PHKB: variants seen among roughly 807,000 people sequenced by gnomAD.
PHKB encodes phosphorylase kinase regulatory subunit beta.
In PHKB, 122 loss-of-function variants were observed where a neutral mutation model predicts 152.1. The observed-to-expected ratio is 0.80, with a 90% CI of 0.69 to 0.93. The LOEUF (loss-of-function observed/expected upper bound fraction) is 0.93. Ranked by LOEUF, PHKB falls within the 40% of genes least tolerant of loss-of-function variation. The probability of loss-of-function intolerance (pLI) is 0.00; values close to 1 mark genes in which losing one functional copy is unlikely to be tolerated. For synonymous variants in PHKB, 436 were observed against 464.9 expected (o/e 0.94, Z 0.80); for missense variants, 1,304 against 1,328.4 (o/e 0.98, Z 0.29).
intron 7 of PHKB, among the ~76,000 whole-genome samples, chr16:47,564,436 G>A (rs1242158735): frequency 6.6e-6 from 1 of 152,058 alleles, no homozygotes; most frequent in South Asian, 2.1e-4. Flanking sequence ...ACTGACATTA[G>A]TGGCATTTTT....
At chr16:47,470,477 C>T (rs1048462731) in intron 1 of PHKB, among the ~76,000 whole-genome samples, 2 of 152,180 alleles carry the variant, frequency 1.3e-5, no homozygotes, top group East Asian at 1.9e-4. Flanking sequence ...CCAGAGTGGG[C>T]GTTATGGCCA....
At position 47,693,460 on chromosome 16, in the gene PHKB, G is replaced by T; in HGVS notation, c.2848G>T (p.Glu950Ter). The T allele has an allele frequency of 6.2e-7, 1 of 1,614,072 alleles. No individual in the cohort carries two copies. Among genetic ancestry groups the T allele is most frequent in the Non-Finnish European group, 8.5e-7 (1 of 1,180,000 alleles). Residue 950 changes from glutamate to a stop codon, truncating the protein, a stop_gained, in exon 28 of 31, where the codon GAG becomes TAG. Coordinates refer to ENST00000323584, the MANE Select transcript of PHKB (RefSeq NM_000293.3). LOFTEE classifies it high-confidence loss of function. ...CTATGACCGAGTGTGGCAGATTCTGGAGCGCACGCCCAATGGGATCATTGT... is the reference window on the plus strand; with the variant it reads ...CTATGACCGAGTGTGGCAGATTCTGTAGCGCACGCCCAATGGGATCATTGT... Reference protein sequence around the residue: ...GFYDRVWQILERTPNGIIVAG... With the variant: ...GFYDRVWQIL
At chr16:47,527,299 G>C (rs1970785226) in intron 6 of PHKB, among the ~76,000 whole-genome samples, 1 of 152,000 alleles carries the variant, frequency 6.6e-6, no homozygotes, top group Admixed American at 6.5e-5. Context: ...TAAACACAAA[G>C]CAAGTAGAAG....
At chr16:47,572,269 T>C (rs1971673890) in intron 7 of PHKB, among the ~76,000 whole-genome samples, 1 of 152,156 alleles carries the variant, frequency 6.6e-6, no homozygotes, top group Admixed American at 6.5e-5. Flanking sequence ...AGTCAAAGGC[T>C]AGAGAATACC....
intron 1 of PHKB, among the ~76,000 whole-genome samples, chr16:47,483,790 A>T (rs1970005808): frequency 6.6e-6 from 1 of 152,178 alleles, no homozygotes; most frequent in African/African-American, 2.4e-5. Context: ...TCGTCACCTT[A>T]TTCATTGTGG....
chr16:47,597,366 A>G (rs1299361462), intron 13 of PHKB, among the ~76,000 whole-genome samples: 1 of 152,166 alleles, frequency 6.6e-6, no homozygotes, highest in Non-Finnish European at 1.5e-5. Flanking sequence ...AAAATATTCC[A>G]TTAGGGAAGA....
At chr16:47,512,472 C>G (rs1341226855) in intron 5 of PHKB, among the ~76,000 whole-genome samples, 1 of 152,192 alleles carries the variant, frequency 6.6e-6, no homozygotes, top group Non-Finnish European at 1.5e-5. Flanking sequence ...GGAAAAAAGA[C>G]AGTTCACAGT....
Position 47,590,257 on chromosome 16 carries a change from A to G in PHKB, c.1068+1155A>G, listed in dbSNP as rs914484270. 5 of 151,790 alleles carry G rather than the reference A, an allele frequency of 3.3e-5. No individual in the cohort carries two copies. In the East Asian group the frequency reaches 9.7e-4, roughly 29 times the overall value. 9.4% of individuals were successfully genotyped at this position (151,790 alleles called of 1,614,324 possible). A position where few individuals can be genotyped will look rare whatever the true frequency, so the allele number is the denominator to read the frequency against. ...ACATACACTTTTGCAGAAAAACTAGACAAGCTATTTATCATTTTATTTAAC... is the reference window on the plus strand; with the variant it reads ...ACATACACTTTTGCAGAAAAACTAGGCAAGCTATTTATCATTTTATTTAAC... On this transcript the variant is annotated intron_variant, in intron 10 of 30. Transcript: ENST00000323584.
At chr16:47,638,838 T>A (rs1972966416) in intron 14 of PHKB, among the ~76,000 whole-genome samples, 2 of 152,228 alleles carry the variant, frequency 1.3e-5, no homozygotes, top group Admixed American at 1.3e-4. Flanking sequence ...CTTGAGTATG[T>A]GTATATACGT....
intron 13 of PHKB, among the ~76,000 whole-genome samples, chr16:47,604,590 A>G (rs1272585595): frequency 2.0e-5 from 3 of 152,206 alleles, no homozygotes; most frequent in East Asian, 1.9e-4. Context: ...TTTACCCTGT[A>G]AGTATCTGCT....
At chr16:47,680,779 C>T (rs1312763260) in intron 26 of PHKB, among the ~76,000 whole-genome samples, 2 of 152,176 alleles carry the variant, frequency 1.3e-5, no homozygotes, top group Admixed American at 1.3e-4. Context: ...TTCAGTTCTG[C>T]ACTGATTTTA....
intron 8 of PHKB, among the ~76,000 whole-genome samples, chr16:47,584,104 T>G (rs1410114201): frequency 2.0e-5 from 3 of 152,060 alleles, no homozygotes; most frequent in South Asian, 2.1e-4. Context: ...TTTTCCAAAT[T>G]TATTTTTCTT....
At chr16:47,531,484 T>C (rs1356217292) in intron 6 of PHKB, among the ~76,000 whole-genome samples, 1 of 152,192 alleles carries the variant, frequency 6.6e-6, no homozygotes, top group East Asian at 1.9e-4. Context: ...AAGTAAAAGA[T>C]ACATTGAGTG....
chr16:47,599,113 C>T (rs539749488), intron 13 of PHKB: 2 of 508,568 alleles, frequency 3.9e-6, no homozygotes. Flanking sequence ...AGCATAATTA[C>T]AAAGAAGCTT....
chr16:47,580,422 T>C, intron 8 of PHKB, 64 bp downstream of exon 8: 2 of 1,183,048 alleles, frequency 1.7e-6, no homozygotes, highest in Admixed American at 3.4e-5. Context: ...ATTTGGCTAT[T>C]CATTAACAAA....
intron 1 of PHKB, among the ~76,000 whole-genome samples, chr16:47,468,214 C>G (rs1003886167): frequency 1.4e-4 from 21 of 152,212 alleles, no homozygotes; most frequent in African/African-American, 5.1e-4. Context: ...CTGGTCCACA[C>G]TACAGAAATA....
chr16:47,472,016 A>G (rs769081095), intron 1 of PHKB, among the ~76,000 whole-genome samples: 39 of 152,316 alleles, frequency 2.6e-4, no homozygotes, highest in Non-Finnish European at 4.7e-4. Context: ...AGATTGCACC[A>G]CTGCACTCCA....
intron 14 of PHKB, among the ~76,000 whole-genome samples, chr16:47,629,490 G>A (rs1263893105): frequency 6.6e-6 from 1 of 151,856 alleles, no homozygotes; most frequent in African/African-American, 2.4e-5. Context: ...TCTCACACCA[G>A]TTAGAATGGT....
rs755100317 is a variant in PHKB, at chr16:47,663,726, AAAACTTTGGTTTG to A, written c.2329_2336+5del. The A allele has an allele frequency of 4.4e-6, 7 of 1,605,350 alleles. No homozygotes were observed. Among genetic ancestry groups the A allele is most frequent in the Non-Finnish European group, 6.0e-6 (7 of 1,172,220 alleles). ...GAGTCTATAGAAGAGCTGGCAGCCA[AAAACTTTGGTTTG>A]TATTAGTGTCCTTGTTGTTATGTTT... On this transcript the variant is annotated splice_donor_variant and splice_donor_5th_base_variant and coding_sequence_variant and intron_variant, in exon 24 of 31. Coordinates refer to ENST00000323584, the MANE Select transcript of PHKB (RefSeq NM_000293.3). LOFTEE classifies it high-confidence loss of function.
Sources: gnomAD v4.1 joint callset for allele counts (sites outside exome capture counted in the v4.1 genomes callset) on GRCh38, gnomAD v4.1.1 for gene constraint, MANE v1.5 for transcripts, NCBI Gene and HGNC (gene_info 2026-07-23, HGNC 2026-07-21) for gene names.